The following B4GALT5 variants were observed in gnomAD, a reference collection of about 807,000 sequenced individuals.
B4GALT5 encodes the protein beta-1,4-galactosyltransferase 5.
A neutral mutation model predicts 45.0 loss-of-function variants in B4GALT5; 11 were observed. That is an observed-to-expected ratio of 0.24 (90% CI 0.15 to 0.40). B4GALT5 has a LOEUF of 0.40. B4GALT5 is among the 10% of genes least tolerant of loss of function. The pLI is 1.00. For synonymous variants in B4GALT5, 185 were observed against 182.9 expected (o/e 1.01, Z -0.09); for missense variants, 337 against 500.2 (o/e 0.67, Z 3.11).
At position 49,702,711 on chromosome 20, in the gene B4GALT5, C is replaced by T. The variant is rs529879548; in HGVS notation, c.115+10865G>A. ...CTCTACAAATAATGTAAAAATCAGC[C>T]GGGCTTGCTGGCACGCACTGGTGGT... On this transcript the variant is annotated intron_variant, in intron 1 of 8. Coordinates refer to ENST00000371711, the MANE Select transcript of B4GALT5 (RefSeq NM_004776.4). 4.6e-4 allele frequency among the ~76,000 whole-genome samples: 70 copies of T among 151,942 alleles called. 1 individual carries two copies. In the South Asian group the frequency reaches 4.8e-3, roughly 10 times the overall value.
intron 2 of B4GALT5, among the ~76,000 whole-genome samples, chr20:49,653,353 T>A (rs750006951): frequency 1.3e-5 from 2 of 152,240 alleles, no homozygotes; most frequent in African/African-American, 2.4e-5. Context: ...ACACAGCAGC[T>A]CCACAAGATG....
chr20:49,712,770 C>A (rs2085920416), intron 1 of B4GALT5, among the ~76,000 whole-genome samples: 2 of 128,160 alleles, frequency 1.6e-5, no homozygotes, highest in South Asian at 5.3e-4. Context: ...GAGAAAGAAG[C>A]TGTGGCTGAA....
rs140764008 is a variant in B4GALT5 at position 49,634,042 on chromosome 20, A to G, written c.*2270T>C. On this transcript the variant is annotated 3_prime_UTR_variant, in exon 9 of 9. Transcript: ENST00000371711. ...TAATGTTCACTTGTGAAGGTATTTT[A>G]AAGCATGAAATGCTTAAGTCTTAAA... The G allele has an allele frequency of 3.3e-5, 5 of 152,774 alleles. No homozygotes were observed. Among genetic ancestry groups the G allele is most frequent in the African/African-American group, 1.2e-4 (5 of 41,578 alleles). 9.5% of individuals were successfully genotyped at this position (152,774 alleles called of 1,614,324 possible).
At chr20:49,651,801 G>A (rs192358243) in intron 2 of B4GALT5, among the ~76,000 whole-genome samples, 7 of 152,096 alleles carry the variant, frequency 4.6e-5, no homozygotes, top group African/African-American at 7.2e-5. Context: ...ACACCAGGCC[G>A]GGTGTGGTGG....
At chr20:49,691,538 C>G (rs954070957) in intron 1 of B4GALT5, among the ~76,000 whole-genome samples, 4 of 151,940 alleles carry the variant, frequency 2.6e-5, no homozygotes, top group South Asian at 2.1e-4. Flanking sequence ...AAAACCCACA[C>G]GCCAAAACAT....
intron 1 of B4GALT5, among the ~76,000 whole-genome samples, chr20:49,672,812 A>C (rs1052335010): frequency 1.1e-4 from 17 of 152,234 alleles, no homozygotes; most frequent in African/African-American, 4.1e-4. Flanking sequence ...GATTTAAAAA[A>C]GAAAACAAAC....
At chr20:49,661,955 C>G (rs954302077) in intron 1 of B4GALT5, among the ~76,000 whole-genome samples, 1 of 152,160 alleles carries the variant, frequency 6.6e-6, no homozygotes, top group African/African-American at 2.4e-5. Flanking sequence ...CAGGTCTACA[C>G]AATTAGAAAT....
At chr20:49,670,111 T>C (rs981063632) in intron 1 of B4GALT5, among the ~76,000 whole-genome samples, 1 of 152,190 alleles carries the variant, frequency 6.6e-6, no homozygotes, top group Non-Finnish European at 1.5e-5. Context: ...TCTAATAAAC[T>C]TGCTTTCACT....
intron 1 of B4GALT5, among the ~76,000 whole-genome samples, chr20:49,683,259 A>G (rs978684302): frequency 6.6e-6 from 1 of 152,216 alleles, no homozygotes; most frequent in African/African-American, 2.4e-5. Flanking sequence ...TCTGCACATA[A>G]ATGTGCTCTG....
intron 1 of B4GALT5, among the ~76,000 whole-genome samples, chr20:49,693,664 C>T (rs2146355751): frequency 6.6e-6 from 1 of 152,334 alleles, no homozygotes; most frequent in South Asian, 2.1e-4. Context: ...CATCAAGAAA[C>T]AAGCTTACTT....
chr20:49,668,426 A>G (rs1361101042), intron 1 of B4GALT5, among the ~76,000 whole-genome samples: 4 of 152,088 alleles, frequency 2.6e-5, no homozygotes, highest in African/African-American at 9.7e-5. Flanking sequence ...TGCTTCCCCC[A>G]AAATTCTTAA....
intron 1 of B4GALT5, 81 bp downstream of exon 1, chr20:49,713,495 G>A (rs2085929200): frequency 1.4e-6 from 2 of 1,420,644 alleles, no homozygotes; most frequent in Non-Finnish European, 1.9e-6. Context: ...CCCGGCCGGG[G>A]CCCCTTAGGG....
intron 6 of B4GALT5, 113 bp downstream of exon 6, chr20:49,640,365 T>A: frequency 1.1e-6 from 1 of 913,480 alleles, no homozygotes; most frequent in Non-Finnish European, 1.6e-6. Flanking sequence ...ACATTTTGTT[T>A]ATCCATCCAT....
chr20:49,701,696 C>T (rs989299091), intron 1 of B4GALT5, among the ~76,000 whole-genome samples: 1 of 152,160 alleles, frequency 6.6e-6, no homozygotes, highest in Non-Finnish European at 1.5e-5. Context: ...AACTGAAAGT[C>T]ATGCCTCAGG....
chr20:49,713,714 G>A lies in B4GALT5; in HGVS notation c.-24C>T, dbSNP rs1218327516. The A allele has an allele frequency of 1.7e-6, 2 of 1,196,144 alleles. No individual in the cohort carries two copies. Among genetic ancestry groups the A allele is most frequent in the Non-Finnish European group, 1.1e-6 (1 of 889,256 alleles). The allele number at this position is 1,196,144 out of a possible 1,614,324, so 74.1% of individuals were successfully genotyped here. On this transcript the variant is annotated 5_prime_UTR_variant, in exon 1 of 9. Transcript: ENST00000371711. ...ATGCTGCAGCCAGGCGGCCGCTAGA[G>A]AGCCAGGCCGGGCCTGCTCCCGCAG...
intron 1 of B4GALT5, among the ~76,000 whole-genome samples, chr20:49,660,644 T>C (rs1390943897): frequency 6.6e-6 from 1 of 152,192 alleles, no homozygotes; most frequent in African/African-American, 2.4e-5. Context: ...GCTCATGTAG[T>C]TGGTTATACA....
intron 1 of B4GALT5, among the ~76,000 whole-genome samples, chr20:49,697,114 C>T (rs2085842417): frequency 6.6e-6 from 1 of 152,214 alleles, no homozygotes; most frequent in Admixed American, 6.5e-5. Flanking sequence ...TGCCTCCTTA[C>T]CCTTCTAAGC....
At chr20:49,674,401 G>A (rs6067173) in intron 1 of B4GALT5, among the ~76,000 whole-genome samples, 78,334 of 151,752 alleles carry the variant, frequency 0.52, 20,568 homozygotes, top group South Asian at 0.68. Context: ...AAAGCACTGC[G>A]GGGTTTTTCT....
At chr20:49,642,866 A>C (rs1346849912) in intron 4 of B4GALT5, among the ~76,000 whole-genome samples, 3 of 152,242 alleles carry the variant, frequency 2.0e-5, no homozygotes, top group Admixed American at 6.5e-5. Flanking sequence ...TGACAAAAAT[A>C]CATCTATAAA....
Sources: allele counts gnomAD v4.1 joint callset (sites outside exome capture counted in the v4.1 genomes callset), GRCh38; gene constraint gnomAD v4.1.1; transcripts MANE v1.5; gene names NCBI Gene and HGNC (gene_info 2026-07-23, HGNC 2026-07-21).